Variants in MKNK2 observed in about 807,000 individuals in gnomAD.
The protein encoded by MKNK2 is MAP kinase-interacting serine/threonine-protein kinase 2.
Under a neutral mutation model 55.0 loss-of-function variants are expected in MKNK2, and 54 were observed. The ratio of observed to expected loss-of-function variants is 0.98; its 90% CI spans 0.79 to 1.23. The LOEUF (loss-of-function observed/expected upper bound fraction) is 1.23, where lower values mean the gene tolerates loss of function less well. MKNK2 is among the 50% of genes most tolerant of loss of function. The probability of loss-of-function intolerance (pLI) is 0.00; values close to 1 mark genes in which losing one functional copy is unlikely to be tolerated. For synonymous variants in MKNK2, 323 were observed against 256.0 expected, an observed-to-expected ratio of 1.26 and a Z score of -2.50; for missense variants, 685 against 632.1, an observed-to-expected ratio of 1.08 and a Z score of -0.90.
Position 2,038,241 on chromosome 19 carries a change from T to C in MKNK2, c.*1372A>G, listed in dbSNP as rs2016795527. On this transcript the variant is annotated 3_prime_UTR_variant, in exon 14 of 14. Transcript: ENST00000250896. ...AGAACAGGGAAGCAAAGTCCATCGA[T>C]GTGTTGTTTTTTTTTAAGGAAAAAC... The C allele has an allele frequency of 2.0e-6, 2 of 988,824 alleles. No individual in the cohort carries two copies. Among genetic ancestry groups the C allele is most frequent in the Non-Finnish European group, 2.4e-6 (2 of 832,798 alleles). The allele number at this position is 988,824 out of a possible 1,614,324, so 61.3% of individuals were successfully genotyped here.
chr19:2,039,616 G>A lies in MKNK2; in HGVS notation c.1395C>T (p.Ala465=). 6 of 1,610,944 alleles carry A rather than the reference G, an allele frequency of 3.7e-6. No homozygotes were observed. Among genetic ancestry groups the A allele is most frequent in the Non-Finnish European group, 5.1e-6 (6 of 1,178,916 alleles). ...GTACAGAGGGGAGATGGGAGGGTCA[G>A]GCGTGGTCTCCCACCAGGACCACTG... ...SAPVVLVGDH[A] is the part of the protein sequence containing the mutation. Residue 465 remains alanine (A), a synonymous_variant, in exon 14 of 14, where the codon GCC becomes GCT. Coordinates refer to ENST00000250896, the MANE Select transcript of MKNK2 (RefSeq NM_199054.3).
In MKNK2 at chr19:2,040,866, G is replaced by C. The variant is rs2016862432; in HGVS notation, c.1110+174C>G. ...GGCTGGCCAGCGGGCACCGTGCACA[G>C]GCGGGCGGTGGGGATTTCGGCTGCA... On this transcript the variant is annotated intron_variant, in intron 12 of 13. Coordinates refer to ENST00000250896, the MANE Select transcript of MKNK2 (RefSeq NM_199054.3). 3.9e-5 allele frequency: 26 copies of C among 669,660 alleles called. No individual in the cohort carries two copies. The South Asian group carries it at 4.7e-4, about 12-fold the overall frequency. 41.5% of individuals were successfully genotyped at this position (669,660 alleles called of 1,614,324 possible). A position where few individuals can be genotyped will look rare whatever the true frequency, so the allele number is the denominator to read the frequency against.
rs763509748 is a variant in MKNK2 at position 2,040,990 on chromosome 19, C to A, written c.1110+50G>T. On this transcript the variant is annotated intron_variant, in intron 12 of 13. Transcript: ENST00000250896. ...GCTTCCCATGCTCGCTCTGAGGCCA[C>A]CCTGCAGCGCCCCCATACCCCTCCT... is the stretch of plus-strand genomic sequence containing the variant. 4.4e-6 allele frequency: 7 copies of A among 1,592,380 alleles called. No homozygotes were observed. In the Admixed American group the frequency reaches 6.7e-5, roughly 15 times the overall value.
intron 2 of MKNK2, among the ~76,000 whole-genome samples, chr19:2,048,347 A>C (rs981331874): frequency 9.9e-5 from 15 of 152,116 alleles, no homozygotes; most frequent in African/African-American, 3.6e-4. Flanking sequence ...GGTGGCATAC[A>C]TATGTACGTT....
In MKNK2 at chr19:2,046,632, G is replaced by A; in HGVS notation, c.111C>T (p.Asp37=). ...SLDQPDHGDS[D]FGLQCSARPD... ...GGCGGGCTGAGCACTGCAGGCCAAA[G>A]TCAGAGTCTCCGTGGTCGGGCTGGT... is the stretch of plus-strand genomic sequence containing the variant. The change falls in exon 3 of 14, where the codon GAC becomes GAT. Residue 37 remains aspartate (D), a synonymous_variant. Transcript: ENST00000250896. 2 of 1,568,900 alleles carry A rather than the reference G, an allele frequency of 1.3e-6. No homozygotes were observed. Among genetic ancestry groups the A allele is most frequent in the Non-Finnish European group, 1.7e-6 (2 of 1,158,186 alleles).
chr19:2,046,682 G>T lies in MKNK2; in HGVS notation c.61C>A (p.Pro21Thr), dbSNP rs371166976. 1.6e-5 allele frequency: 25 copies of T among 1,527,126 alleles called. No individual in the cohort carries two copies. The highest frequency in any genetic ancestry group is 2.2e-5 in the Non-Finnish European group (25 of 1,138,272). 94.6% of individuals were successfully genotyped at this position (1,527,126 alleles called of 1,614,324 possible). The change falls in exon 3 of 14, where the codon CCC becomes ACC. Residue 21 changes from proline (P) to threonine (T), a missense_variant. Physicochemically the swap from Pro to Thr is conservative, Grantham distance 38. Transcript: ENST00000250896. ...GFHRSFKGQN[P>T]FELAFSLDQP... ...TCTAGGGAGAAGGCCAGCTCGAAGG[G>T]GTTCTGCCCCTGCAGGGGAGAGGAG...
Position 2,043,037 on chromosome 19 carries a change from A to G in MKNK2, c.493+87T>C, listed in dbSNP as rs891803929. 1.7e-5 allele frequency: 22 copies of G among 1,327,872 alleles called. No homozygotes were observed. The African/African-American group carries it at 2.3e-4, about 14-fold the overall frequency. The allele number at this position is 1,327,872 out of a possible 1,614,324, so 82.3% of individuals were successfully genotyped here. A position where few individuals can be genotyped will look rare whatever the true frequency, so the allele number is the denominator to read the frequency against. On this transcript the variant is annotated intron_variant, in intron 7 of 13. Transcript: ENST00000250896. The stretch of plus-strand genomic sequence containing the variant: ...CATTTGGGCAGGACACTCACCCCAC[A>G]AGCCCCCTCCTGCAGGTGGCACTAG...
In MKNK2 at chr19:2,038,059, A is replaced by G. The variant is rs1369957514; in HGVS notation, c.*1554T>C. The G allele has an allele frequency of 5.5e-5, 69 of 1,255,750 alleles. No homozygotes were observed. The highest frequency in any genetic ancestry group is 6.8e-5 in the Non-Finnish European group (67 of 987,824). The allele number at this position is 1,255,750 out of a possible 1,614,324, so 77.8% of individuals were successfully genotyped here. A position where few individuals can be genotyped will look rare whatever the true frequency, so the allele number is the denominator to read the frequency against. On this transcript the variant is annotated 3_prime_UTR_variant, in exon 14 of 14. Transcript: ENST00000250896. Reference sequence around the variant, plus strand: ...CCCCCCAGGGGTCTTTGGAAGGGGCAGTCCACAGATATGGGCAGTGGGGAC... The same window carrying G: ...CCCCCCAGGGGTCTTTGGAAGGGGCGGTCCACAGATATGGGCAGTGGGGAC...
At position 2,038,038 on chromosome 19, in the gene MKNK2, C is replaced by T; in HGVS notation, c.*1575G>A. ...GGGTGGGCGGAATGCCCCACCCCCC[C>T]CAGGGGTCTTTGGAAGGGGCAGTCC... On this transcript the variant is annotated 3_prime_UTR_variant, in exon 14 of 14. Transcript: ENST00000250896. 8.5e-6 allele frequency: 11 copies of T among 1,291,072 alleles called. No individual in the cohort carries two copies. In the South Asian group the frequency reaches 1.0e-4, roughly 12 times the overall value. 80.0% of individuals were successfully genotyped at this position (1,291,072 alleles called of 1,614,324 possible).
At chr19:2,042,323 G>A (rs1473596870) in intron 10 of MKNK2, 104 bp downstream of exon 10, 3 of 1,069,542 alleles carry the variant, frequency 2.8e-6, no homozygotes, top group East Asian at 5.3e-5. Flanking sequence ...CTAGGCGGAA[G>A]CCCGAGCTCC....
Position 2,041,087 on chromosome 19 carries a change from G to A in MKNK2, c.1063C>T (p.Gln355Ter). ...AGGACTTGGGCGGCACTCAGCCTCT[G>A]CTTGGCGTCACGGACCAGCAGCTTG... ...ISKLLVRDAK[Q>*]RLSAAQVLQH... Residue 355 changes from glutamine to a stop codon, truncating the protein, a stop_gained, in exon 12 of 14, where the codon CAG (glutamine) becomes TAG (stop). Transcript: ENST00000250896. LOFTEE classifies it high-confidence loss of function. 6.2e-7 allele frequency: 1 copy of A among 1,614,058 alleles called. No homozygotes were observed. The highest frequency in any genetic ancestry group is 8.5e-7 in the Non-Finnish European group (1 of 1,179,974).
At position 2,046,449 on chromosome 19, in the gene MKNK2, G is replaced by GGGCT. The variant is rs1378431039; in HGVS notation, c.155_158dup (p.Ile54AlafsTer3). The GGGCT allele has an allele frequency of 6.2e-7, 1 of 1,608,942 alleles. No individual in the cohort carries two copies. Among genetic ancestry groups the GGGCT allele is most frequent in the Admixed American group, 1.7e-5 (1 of 59,966 alleles). ...TCTTCTTGGCGTCCGGGATGTCAATGGGCTGGCTGGCGGGCATGTCTGTTC... is the reference window on the plus strand; with the variant it reads ...TCTTCTTGGCGTCCGGGATGTCAATGGGCTGGCTGGCTGGCGGGCATGTCTGTTC... On this transcript the variant is annotated frameshift_variant, in exon 4 of 14. Coordinates refer to ENST00000250896, the MANE Select transcript of MKNK2 (RefSeq NM_199054.3). LOFTEE classifies it high-confidence loss of function.
At position 2,039,485 on chromosome 19, in the gene MKNK2, T is replaced by G. The variant is rs2016826258; in HGVS notation, c.*128A>C. ...CCTTCTATAAAACACCCCCCTCAGC[T>G]GAGCTTAGTGCCTGGGAATCCAGGC... On this transcript the variant is annotated 3_prime_UTR_variant, in exon 14 of 14. Transcript: ENST00000250896. The G allele has an allele frequency of 1.4e-6, 2 of 1,425,740 alleles. No individual in the cohort carries two copies. The highest frequency in any genetic ancestry group is 5.6e-5 in the Admixed American group (2 of 35,402). 88.3% of individuals were successfully genotyped at this position (1,425,740 alleles called of 1,614,324 possible). A position where few individuals can be genotyped will look rare whatever the true frequency, so the allele number is the denominator to read the frequency against.
intron 5 of MKNK2, 57 bp downstream of exon 5, chr19:2,046,129 C>A (rs910281624): frequency 2.0e-6 from 3 of 1,528,344 alleles, no homozygotes; most frequent in Middle Eastern, 2.0e-4. Flanking sequence ...CTGTTTCCAC[C>A]CCCGCTCAAC....
rs375293217 is a variant in MKNK2, at chr19:2,040,187, G to A, written c.1111-10C>T. On this transcript the variant is annotated splice_polypyrimidine_tract_variant and intron_variant, in intron 12 of 13. Coordinates refer to ENST00000250896, the MANE Select transcript of MKNK2 (RefSeq NM_199054.3). ...TGTTCTCCGGGGCGCACTGCAACGA[G>A]AGTGGGCGGGGGCAGGGCTGGAGAG... The A allele has an allele frequency of 1.8e-4, 276 of 1,572,792 alleles. No homozygotes were observed. The highest frequency in any genetic ancestry group is 2.2e-4 in the Non-Finnish European group (255 of 1,159,880).
chr19:2,044,437 G>C (rs2016956710), intron 5 of MKNK2, among the ~76,000 whole-genome samples: 1 of 152,204 alleles, frequency 6.6e-6, no homozygotes, highest in Non-Finnish European at 1.5e-5. Context: ...GCTGCTCCCT[G>C]CCACCTTCAC....
chr19:2,039,886 C>G (rs766327571), intron 13 of MKNK2, 30 bp from the exon 14 acceptor site: 2 of 1,574,354 alleles, frequency 1.3e-6, no homozygotes, highest in Non-Finnish European at 1.7e-6. Context: ...TAGGTGGTCA[C>G]CAAGAGGCAC....
rs768123393 is a variant in MKNK2, at chr19:2,039,680, A to G, written c.1331T>C (p.Leu444Pro). The G allele has an allele frequency of 6.2e-7, 1 of 1,613,226 alleles. No individual in the cohort carries two copies. Among genetic ancestry groups the G allele is most frequent in the South Asian group, 1.1e-5 (1 of 91,070 alleles). Reference protein sequence around the residue: ...LQLSPPSQSKLAQRRQRASLS... With the variant: ...LQLSPPSQSKPAQRRQRASLS... Reference sequence around the variant, plus strand: ...ACTGGCCCTTTGCCGCCGCTGCGCCAGCTTGGACTGGGAGGGTGGAGACAG... The same window carrying G: ...ACTGGCCCTTTGCCGCCGCTGCGCCGGCTTGGACTGGGAGGGTGGAGACAG... The change falls in exon 14 of 14, where the codon CTG becomes CCG. Residue 444 changes from leucine to proline, a missense_variant. Leu to Pro is a moderately conservative substitution (Grantham distance 98). Transcript: ENST00000250896.
chr19:2,038,480 T>C lies in MKNK2; in HGVS notation c.*1133A>G. The C allele has an allele frequency of 1.0e-6, 1 of 983,966 alleles. No individual in the cohort carries two copies. The highest frequency in any genetic ancestry group is 1.2e-6 in the Non-Finnish European group (1 of 829,508). The allele number at this position is 983,966 out of a possible 1,614,324, so 61.0% of individuals were successfully genotyped here. On this transcript the variant is annotated 3_prime_UTR_variant, in exon 14 of 14. Coordinates refer to ENST00000250896, the MANE Select transcript of MKNK2 (RefSeq NM_199054.3). ...CCCCCGGGGGTTGGAGCATGGAGGG[T>C]GGGGGGACTGAGCAGACCCCCGCAT... is the stretch of plus-strand genomic sequence containing the variant.
Sources: gnomAD v4.1 joint callset for allele counts (sites outside exome capture counted in the v4.1 genomes callset) on GRCh38, gnomAD v4.1.1 for gene constraint, MANE v1.5 for transcripts, NCBI Gene and HGNC (gene_info 2026-07-23, HGNC 2026-07-21) for gene names.